CLEC19A: variants seen among roughly 807,000 people sequenced by gnomAD.
The protein encoded by CLEC19A is C-type lectin domain family 19 member A.
In CLEC19A, 21 loss-of-function variants were observed where a neutral mutation model predicts 26.1. That is an observed-to-expected ratio of 0.80 (90% CI 0.57 to 1.16). The LOEUF is 1.16. CLEC19A is among the 50% of genes most tolerant of loss of function. The pLI, the probability that CLEC19A is intolerant of heterozygous loss-of-function variation, is 0.00. For synonymous variants in CLEC19A, 89 were observed against 88.6 expected, an observed-to-expected ratio of 1.00 and a Z score of -0.03; for missense variants, 224 against 227.6, an observed-to-expected ratio of 0.98 and a Z score of 0.10.
chr16:19,306,144 A>ATT (rs148679009), intron 3 of CLEC19A, among the ~76,000 whole-genome samples: 5 of 124,470 alleles, frequency 4.0e-5, no homozygotes, highest in Non-Finnish European at 3.5e-5. Context: ...CGCCCGGCCT[A>ATT]TTTTTTTTTT....
intron 1 of CLEC19A, among the ~76,000 whole-genome samples, chr16:19,294,009 T>C (rs900567041): frequency 2.0e-5 from 3 of 152,148 alleles, no homozygotes; most frequent in African/African-American, 7.2e-5. Context: ...TCATTCTGTC[T>C]AACCATATTT....
chr16:19,301,766 T>TTTTTTTTA lies in CLEC19A; in HGVS notation c.255-2296_255-2295insTTTTTTTA, dbSNP rs1291095115. 3.9e-4 allele frequency among the ~76,000 whole-genome samples: 45 copies of TTTTTTTTA among 116,150 alleles called. 1 individual carries two copies. The highest frequency in any genetic ancestry group is 6.5e-4 in the Non-Finnish European group (36 of 55,658). The allele number at this position is 116,150 out of a possible 152,430, so 76.2% of individuals were successfully genotyped here. A position where few individuals can be genotyped will look rare whatever the true frequency, so the allele number is the denominator to read the frequency against. On this transcript the variant is annotated intron_variant, in intron 2 of 4. Coordinates refer to ENST00000636231, the MANE Select transcript of CLEC19A (RefSeq NM_001256720.2). ...TTTTTTTTTTTTTTTTTTTTTTTTG[T>TTTTTTTTA]ATTTTTAGCAGAGACGGAGTTTCAC...
At chr16:19,298,278 C>T (rs1275925040) in intron 1 of CLEC19A, among the ~76,000 whole-genome samples, 2 of 149,398 alleles carry the variant, frequency 1.3e-5, no homozygotes, top group African/African-American at 2.5e-5. Context: ...AGGCAGGGCT[C>T]GGTGGCTCAC....
intron 2 of CLEC19A, among the ~76,000 whole-genome samples, chr16:19,301,736 G>GTTTT (rs1171248968): frequency 0.19 from 15,330 of 78,702 alleles, 2,692 homozygotes; most frequent in Non-Finnish European, 0.27. Context: ...GGTTTTTTTG[G>GTTTT]TTTTTTTTTT....
chr16:19,297,050 C>T (rs1380427098), intron 1 of CLEC19A, among the ~76,000 whole-genome samples: 5 of 152,184 alleles, frequency 3.3e-5, no homozygotes, highest in African/African-American at 7.2e-5. Flanking sequence ...TCTCAGCCTG[C>T]CTGTCTCCTC....
rs1004350454 is a variant in CLEC19A, at chr16:19,298,670, C to T, written c.89-3C>T. On this transcript the variant is annotated splice_region_variant and splice_polypyrimidine_tract_variant and intron_variant, in intron 1 of 4. Coordinates refer to ENST00000636231, the MANE Select transcript of CLEC19A (RefSeq NM_001256720.2). Reference sequence around the variant, plus strand: ...TCCCAGTCTGTTTCCTTTCTGCCCCCAGCCCTGCCAGAGCTGCCCCTGCCT... The same window carrying T: ...TCCCAGTCTGTTTCCTTTCTGCCCCTAGCCCTGCCAGAGCTGCCCCTGCCT... 1.6e-5 allele frequency: 25 copies of T among 1,550,746 alleles called. No homozygotes were observed. In the African/African-American group the frequency reaches 3.0e-4, roughly 19 times the overall value.
At position 19,299,211 on chromosome 16, in the gene CLEC19A, C is replaced by G. The variant is rs186318764; in HGVS notation, c.254+373C>G. Among the ~76,000 whole-genome samples, 217 of 152,348 alleles carry G rather than the reference C, an allele frequency of 1.4e-3. 1 individual carries two copies. Among genetic ancestry groups the G allele is most frequent in the South Asian group, 0.013 (64 of 4,826 alleles). On this transcript the variant is annotated intron_variant, in intron 2 of 4. Coordinates refer to ENST00000636231, the MANE Select transcript of CLEC19A (RefSeq NM_001256720.2). ...TGCCAGTCTTGTGCTGTCCTCTGCT[C>G]TGTATCCTGTGATACAACTGATACA...
chr16:19,294,328 A>T (rs2143009231), intron 1 of CLEC19A, among the ~76,000 whole-genome samples: 1 of 152,298 alleles, frequency 6.6e-6, no homozygotes, highest in South Asian at 2.1e-4. Flanking sequence ...GGGGGTGCCC[A>T]GGGGCCAGAA....
chr16:19,308,910 A>G, intron 4 of CLEC19A, 94 bp from the exon 5 acceptor site: 3 of 953,992 alleles, frequency 3.1e-6, no homozygotes, highest in East Asian at 2.6e-5. Flanking sequence ...CACAAGGCCT[A>G]TTGGAGATGG....
chr16:19,292,920 A>G (rs113339989), intron 1 of CLEC19A, among the ~76,000 whole-genome samples: 1 of 152,188 alleles, frequency 6.6e-6, no homozygotes, highest in South Asian at 2.1e-4. Context: ...TTTCAGGGAA[A>G]TGAGGTCAGG....
At chr16:19,293,944 A>G (rs1042664602) in intron 1 of CLEC19A, among the ~76,000 whole-genome samples, 2 of 152,146 alleles carry the variant, frequency 1.3e-5, no homozygotes, top group Non-Finnish European at 2.9e-5. Flanking sequence ...TAAATGTACA[A>G]TAAAGTATTG....
intron 3 of CLEC19A, chr16:19,304,949 G>A (rs1897920017): frequency 6.6e-6 from 1 of 152,416 alleles, no homozygotes; most frequent in Non-Finnish European, 1.5e-5. Flanking sequence ...AGATGCCCAA[G>A]ACTGGAATCC....
In CLEC19A at chr16:19,307,667, G is replaced by A. The variant is rs1480382883; in HGVS notation, c.471G>A (p.Arg157=). 4.5e-6 allele frequency: 7 copies of A among 1,548,268 alleles called. No individual in the cohort carries two copies. Among genetic ancestry groups the A allele is most frequent in the East Asian group, 4.9e-5 (2 of 40,898 alleles). ...EEEDCVQIWY[R]PTSALRSWND... ...AGGACTGCGTGCAGATATGGTACAG[G>A]CCTACCAGTGGTGGGTACCCCTGAG... The change falls in exon 4 of 5, where the codon AGG becomes AGA. Residue 157 remains arginine (R), a synonymous_variant. Transcript: ENST00000636231.
intron 2 of CLEC19A, among the ~76,000 whole-genome samples, chr16:19,303,502 C>G (rs1254253842): frequency 6.6e-6 from 1 of 152,166 alleles, no homozygotes; most frequent in Non-Finnish European, 1.5e-5. Context: ...CCAAAAGACA[C>G]CCATGACTTC....
intron 4 of CLEC19A, 150 bp from the exon 5 acceptor site, chr16:19,308,854 A>G (rs1456006933): frequency 3.2e-6 from 2 of 625,748 alleles, no homozygotes; most frequent in Admixed American, 2.6e-5. Context: ...GTAAGGCTGG[A>G]CAGCAGGCTT....
At chr16:19,291,411 G>A (rs753611326) in intron 1 of CLEC19A, among the ~76,000 whole-genome samples, 1 of 152,238 alleles carries the variant, frequency 6.6e-6, no homozygotes, top group Non-Finnish European at 1.5e-5. Context: ...GCTGGGAGCT[G>A]TGCGATCTTG....
At chr16:19,301,245 G>A (rs918272435) in intron 2 of CLEC19A, among the ~76,000 whole-genome samples, 1 of 152,194 alleles carries the variant, frequency 6.6e-6, no homozygotes, top group African/African-American at 2.4e-5. Context: ...AAACTAACCA[G>A]CCAGCCCCTG....
chr16:19,298,891 T>A, intron 2 of CLEC19A, 53 bp downstream of exon 2: 4 of 1,472,418 alleles, frequency 2.7e-6, no homozygotes, highest in South Asian at 1.3e-5. Context: ...CCTTGGGAAA[T>A]GGGGTGGAGA....
At chr16:19,295,778 A>G (rs1460025445) in intron 1 of CLEC19A, among the ~76,000 whole-genome samples, 10 of 152,180 alleles carry the variant, frequency 6.6e-5, no homozygotes, top group African/African-American at 2.2e-4. Flanking sequence ...CATCCATGCT[A>G]AGGGAGAAAC....
Sources: gnomAD v4.1 joint callset for allele counts (sites outside exome capture counted in the v4.1 genomes callset) on GRCh38, gnomAD v4.1.1 for gene constraint, MANE v1.5 for transcripts, NCBI Gene and HGNC (gene_info 2026-07-23, HGNC 2026-07-21) for gene names.